Variants in CLASP1 observed in about 807,000 individuals in gnomAD.
CLASP1 encodes the protein CLIP-associating protein 1.
A neutral mutation model predicts 192.3 loss-of-function variants in CLASP1; 38 were observed. That is an observed-to-expected ratio of 0.20 (90% CI 0.15 to 0.26). CLASP1 has a LOEUF of 0.26. CLASP1 is among the 10% of genes least tolerant of loss of function. CLASP1 has a pLI of 1.00. For synonymous variants in CLASP1, 691 were observed against 712.8 expected (o/e 0.97, Z 0.49); for missense variants, 1,433 against 1,932.5 (o/e 0.74, Z 4.85).
At chr2:121,508,524 A>G (rs2094012588) in intron 7 of CLASP1, among the ~76,000 whole-genome samples, 1 of 152,262 alleles carries the variant, frequency 6.6e-6, no homozygotes, top group Non-Finnish European at 1.5e-5. Context: ...TACATTAAAT[A>G]TAAATAGATT....
At chr2:121,530,388 C>T (rs951793120) in intron 2 of CLASP1, 63 bp from the exon 3 acceptor site, 5 of 1,364,806 alleles carry the variant, frequency 3.7e-6, no homozygotes, top group African/African-American at 2.9e-5. Flanking sequence ...TCCCGCCCAC[C>T]CGCTCCGGGG....
At chr2:121,416,187 TG>T (rs2078541259) in intron 23 of CLASP1, among the ~76,000 whole-genome samples, 1 of 152,198 alleles carries the variant, frequency 6.6e-6, no homozygotes, top group African/African-American at 2.4e-5. Context: ...AAATCTGTCA[TG>T]CCATGAGTCC....
intron 2 of CLASP1, among the ~76,000 whole-genome samples, chr2:121,531,988 C>G (rs927462632): frequency 3.9e-5 from 6 of 152,220 alleles, no homozygotes; most frequent in African/African-American, 1.4e-4. Context: ...AAACATGCTT[C>G]CAACACAAAG....
chr2:121,555,201 T>A (rs910362865), intron 2 of CLASP1, among the ~76,000 whole-genome samples: 1 of 152,224 alleles, frequency 6.6e-6, no homozygotes, highest in African/African-American at 2.4e-5. Flanking sequence ...CTGGATGTGC[T>A]GTGCTCTCGC....
chr2:121,500,186 G>A (rs560183539), intron 8 of CLASP1, among the ~76,000 whole-genome samples: 72 of 152,018 alleles, frequency 4.7e-4, no homozygotes, highest in African/African-American at 1.7e-3. Context: ...AATGGATCTA[G>A]AGAAAACTGA....
chr2:121,632,222 C>T (rs1045357634), intron 1 of CLASP1, among the ~76,000 whole-genome samples: 1 of 151,948 alleles, frequency 6.6e-6, no homozygotes, highest in Admixed American at 6.6e-5. Flanking sequence ...CTAGCCTGGG[C>T]GACAGAGCTT....
At position 121,401,888 on chromosome 2, in the gene CLASP1, G is replaced by A. The variant is rs191887828; in HGVS notation, c.2734-18C>T. On this transcript the variant is annotated intron_variant, in intron 26 of 39. Transcript: ENST00000263710. ...CTTACTCTCTGTTGTGAATTCCACC[G>A]CAAACGAGGCCATGCAACAAAACAA... is the stretch of plus-strand genomic sequence containing the variant. 4,249 of 706,940 alleles carry A rather than the reference G, an allele frequency of 6.0e-3. 28 individuals are homozygous for A. Among genetic ancestry groups the A allele is most frequent in the Non-Finnish European group, 9.1e-3 (3,482 of 381,748 alleles). The allele number at this position is 706,940 out of a possible 1,614,324, so 43.8% of individuals were successfully genotyped here. A position where few individuals can be genotyped will look rare whatever the true frequency, so the allele number is the denominator to read the frequency against.
At chr2:121,467,690 GT>G (rs1284182113) in intron 9 of CLASP1, among the ~76,000 whole-genome samples, 30 of 152,100 alleles carry the variant, frequency 2.0e-4, no homozygotes, top group African/African-American at 7.2e-4. Flanking sequence ...GATTCTGGAT[GT>G]TAGGCCTTTT....
intron 35 of CLASP1, 115 bp downstream of exon 36, chr2:121,367,473 G>C (rs576072948): frequency 7.2e-7 from 1 of 1,383,168 alleles, no homozygotes; most frequent in South Asian, 1.4e-5. Flanking sequence ...TAAGCAGAAA[G>C]AACAGACCCA....
In CLASP1 at chr2:121,530,747, G is replaced by A; in HGVS notation, c.196-422C>T. The A allele has an allele frequency of 5.7e-6, 3 of 524,010 alleles. 1 individual carries two copies. The South Asian group carries it at 8.4e-5, about 15-fold the overall frequency. 32.5% of individuals were successfully genotyped at this position (524,010 alleles called of 1,614,324 possible). Reference sequence around the variant, plus strand: ...GGAGCCTCAGAAAACAAAGAATTGGGGTGTCGTCGAAAGCTGTGGAGGCTG... The same window carrying A: ...GGAGCCTCAGAAAACAAAGAATTGGAGTGTCGTCGAAAGCTGTGGAGGCTG... On this transcript the variant is annotated intron_variant, in intron 2 of 39. Coordinates refer to ENST00000263710, the Ensembl canonical transcript of CLASP1.
intron 1 of CLASP1, among the ~76,000 whole-genome samples, chr2:121,613,629 T>TTAAAA (rs200355283): frequency 1.3e-5 from 2 of 148,766 alleles, no homozygotes; most frequent in Non-Finnish European, 3.0e-5. Context: ...CCTTTTTTTT[T>TTAAAA]AAAAAAAAAA....
chr2:121,648,539 A>T lies in CLASP1; in HGVS notation c.-286+833T>A, dbSNP rs547158393. On this transcript the variant is annotated intron_variant, in intron 1 of 39. Coordinates refer to ENST00000263710, the Ensembl canonical transcript of CLASP1. Reference sequence around the variant, plus strand: ...AATTTTAGAAGCAAACAACTATTTTAAAAATATTATGTAATAATTTAAACT... The same window carrying T: ...AATTTTAGAAGCAAACAACTATTTTTAAAATATTATGTAATAATTTAAACT... Among the ~76,000 whole-genome samples, 6 of 152,304 alleles carry T rather than the reference A, an allele frequency of 3.9e-5. No individual in the cohort carries two copies. The South Asian group carries it at 6.2e-4, about 16-fold the overall frequency.
At chr2:121,457,967 T>C (rs1197633263) in intron 13 of CLASP1, among the ~76,000 whole-genome samples, 2 of 152,184 alleles carry the variant, frequency 1.3e-5, no homozygotes, top group Non-Finnish European at 2.9e-5. Context: ...CATGATGACA[T>C]GAAGATAAGC....
intron 33 of CLASP1, among the ~76,000 whole-genome samples, chr2:121,380,362 T>C (rs1401522632): frequency 6.6e-6 from 1 of 152,140 alleles, no homozygotes; most frequent in East Asian, 1.9e-4. Flanking sequence ...ACATAATCCT[T>C]GGGTTAGAGG....
At position 121,634,500 on chromosome 2, in the gene CLASP1, T is replaced by C. The variant is rs2070429162; in HGVS notation, c.-286+14872A>G. ...GTAACCAGATAATTACAATGAGATG[T>C]TTCTAATCTCCCAGTGCTTAGTCAT... On this transcript the variant is annotated intron_variant, in intron 1 of 39. Coordinates refer to ENST00000263710, the Ensembl canonical transcript of CLASP1. 2.6e-5 allele frequency among the ~76,000 whole-genome samples: 4 copies of C among 152,294 alleles called. No individual in the cohort carries two copies. In the South Asian group the frequency reaches 8.3e-4, roughly 32 times the overall value.
chr2:121,377,653 A>C lies in CLASP1; in HGVS notation c.3492-4T>G. ...CTCTGTATCATAGTCCAGCATGCTA[A>C]AGATAAAAAATATTTTATTTCTTAA... On this transcript the variant is annotated splice_region_variant and splice_polypyrimidine_tract_variant and intron_variant, in intron 33 of 39. Transcript: ENST00000263710. 1 of 1,547,476 alleles carries C rather than the reference A, an allele frequency of 6.5e-7. No homozygotes were observed. The highest frequency in any genetic ancestry group is 8.7e-7 in the Non-Finnish European group (1 of 1,146,008).
At position 121,630,356 on chromosome 2, in the gene CLASP1, T is replaced by C. The variant is rs908961817; in HGVS notation, c.-286+19016A>G. 2.0e-5 allele frequency among the ~76,000 whole-genome samples: 3 copies of C among 149,498 alleles called. No individual in the cohort carries two copies. In the Admixed American group the frequency reaches 2.0e-4, roughly 10 times the overall value. ...ACAAGTATTGAAAACTACAGAAAGT[T>C]TGGTAGATCACCATATTGGAAAGAA... On this transcript the variant is annotated intron_variant, in intron 1 of 39. Coordinates refer to ENST00000263710, the Ensembl canonical transcript of CLASP1.
At chr2:121,507,766 G>A (rs1185555527) in intron 7 of CLASP1, among the ~76,000 whole-genome samples, 2 of 152,084 alleles carry the variant, frequency 1.3e-5, no homozygotes, top group Non-Finnish European at 2.9e-5. Context: ...AATCTTCAAA[G>A]CAACAATGGA....
At chr2:121,605,332 A>C (rs2064296228) in intron 2 of CLASP1, among the ~76,000 whole-genome samples, 1 of 152,202 alleles carries the variant, frequency 6.6e-6, no homozygotes, top group African/African-American at 2.4e-5. Flanking sequence ...AAATCAGTGA[A>C]GACATTTGTT....
Sources: allele counts gnomAD v4.1 joint callset (sites outside exome capture counted in the v4.1 genomes callset), GRCh38; gene constraint gnomAD v4.1.1; transcripts MANE v1.5; gene names NCBI Gene and HGNC (gene_info 2026-07-23, HGNC 2026-07-21).